Variants in MSRA observed in about 807,000 individuals in gnomAD.
The protein encoded by MSRA is methionine sulfoxide reductase A.
A neutral mutation model predicts 31.3 loss-of-function variants in MSRA; 54 were observed. The ratio of observed to expected loss-of-function variants is 1.73; its 90% CI spans 1.39 to 2.17. MSRA has a LOEUF of 2.17. Ranked by LOEUF, MSRA falls within the 30% of genes most tolerant of loss-of-function variation. The pLI is 0.00. For synonymous variants in MSRA, 169 were observed against 116.5 expected (o/e 1.45, Z -2.90); for missense variants, 507 against 300.9 (o/e 1.69, Z -5.07).
Position 10,428,543 on chromosome 8 carries a change from TC to T in MSRA, c.*232del. ...GAGTGGAGCTGTGCAGTTTCCTGTG[TC>T]TTCTGGGGTCTGAGTGAAGATAGCA... is the stretch of plus-strand genomic sequence containing the variant. On this transcript the variant is annotated 3_prime_UTR_variant, in exon 6 of 6. Transcript: ENST00000317173. 2.1e-6 allele frequency: 1 copy of T among 476,930 alleles called. No homozygotes were observed. Among genetic ancestry groups the T allele is most frequent in the South Asian group, 2.2e-5 (1 of 45,650 alleles). The allele number at this position is 476,930 out of a possible 1,614,324, so 29.5% of individuals were successfully genotyped here.
intron 3 of MSRA, among the ~76,000 whole-genome samples, chr8:10,275,838 T>G (rs1799291912): frequency 6.6e-6 from 1 of 152,048 alleles, no homozygotes; most frequent in African/African-American, 2.4e-5. Context: ...AGACAAAGAG[T>G]TGCACATCTA....
chr8:10,062,362 G>A (rs1349508898), intron 1 of MSRA, among the ~76,000 whole-genome samples: 1 of 152,122 alleles, frequency 6.6e-6, no homozygotes, highest in African/African-American at 2.4e-5. Flanking sequence ...TGAAAGTTGT[G>A]GATCTTCTAC....
chr8:10,292,803 G>C (rs1800315947), intron 3 of MSRA, among the ~76,000 whole-genome samples: 1 of 152,202 alleles, frequency 6.6e-6, no homozygotes, highest in Non-Finnish European at 1.5e-5. Flanking sequence ...CCTGAGGGCA[G>C]AGAGGGCTTG....
At chr8:10,405,063 C>A (rs889711731) in intron 5 of MSRA, among the ~76,000 whole-genome samples, 2 of 152,166 alleles carry the variant, frequency 1.3e-5, no homozygotes, top group Non-Finnish European at 2.9e-5. Flanking sequence ...TGGTGGATGT[C>A]GGACAGGAGA....
chr8:10,111,852 C>T (rs191829353), intron 1 of MSRA, among the ~76,000 whole-genome samples: 4 of 152,274 alleles, frequency 2.6e-5, no homozygotes, highest in South Asian at 2.1e-4. Context: ...CACAACTGCC[C>T]TGTGAGGCTT....
chr8:10,400,802 C>T (rs1025330243), intron 5 of MSRA, among the ~76,000 whole-genome samples: 1 of 152,180 alleles, frequency 6.6e-6, no homozygotes, highest in African/African-American at 2.4e-5. Context: ...AACTGGATCT[C>T]CAGGTTTGTG....
At chr8:10,186,820 G>T (rs942062756) in intron 1 of MSRA, among the ~76,000 whole-genome samples, 7 of 152,140 alleles carry the variant, frequency 4.6e-5, no homozygotes, top group African/African-American at 1.7e-4. Context: ...TTTTTCAGTG[G>T]AAATGTTAGA....
chr8:10,315,753 A>G (rs1037677276), intron 4 of MSRA, among the ~76,000 whole-genome samples: 3 of 152,212 alleles, frequency 2.0e-5, no homozygotes, highest in African/African-American at 7.2e-5. Flanking sequence ...TGACCTAAAA[A>G]TTTTACTATT....
chr8:10,367,083 C>A (rs554380659), intron 5 of MSRA, among the ~76,000 whole-genome samples: 2 of 152,234 alleles, frequency 1.3e-5, no homozygotes, highest in East Asian at 3.9e-4. Context: ...AATTGCATGC[C>A]GTTCTGAGCA....
chr8:10,252,452 A>G (rs1342156158), intron 3 of MSRA, among the ~76,000 whole-genome samples: 1 of 152,172 alleles, frequency 6.6e-6, no homozygotes, highest in Non-Finnish European at 1.5e-5. Flanking sequence ...GTTTCCTGAT[A>G]GATAGTTCTT....
intron 1 of MSRA, among the ~76,000 whole-genome samples, chr8:10,149,104 T>A (rs1803421010): frequency 6.7e-6 from 1 of 149,190 alleles, no homozygotes. Flanking sequence ...TATAGGCACA[T>A]GCCACCACAC....
chr8:10,334,044 G>T (rs1802868605), intron 5 of MSRA, among the ~76,000 whole-genome samples: 1 of 152,116 alleles, frequency 6.6e-6, no homozygotes, highest in African/African-American at 2.4e-5. Context: ...TCTGATAACA[G>T]CAGCAGCATT....
At chr8:10,255,688 G>A (rs979932702) in intron 3 of MSRA, among the ~76,000 whole-genome samples, 1 of 151,978 alleles carries the variant, frequency 6.6e-6, no homozygotes, top group Non-Finnish European at 1.5e-5. Context: ...AAATGCTCTG[G>A]GGAACAATCA....
At chr8:10,264,077 A>G (rs55807152) in intron 3 of MSRA, among the ~76,000 whole-genome samples, 29,764 of 152,138 alleles carry the variant, frequency 0.2, 3,515 homozygotes, top group Non-Finnish European at 0.27. Context: ...GATTTATTTC[A>G]ACAGAGGAAG....
chr8:10,247,548 C>A (rs368165187), intron 3 of MSRA, among the ~76,000 whole-genome samples: 36 of 152,204 alleles, frequency 2.4e-4, no homozygotes, highest in African/African-American at 8.4e-4. Context: ...GAAAAAGGGC[C>A]AAGCCAGTTC....
intron 3 of MSRA, among the ~76,000 whole-genome samples, chr8:10,270,991 A>C (rs1424833121): frequency 6.6e-6 from 1 of 152,026 alleles, no homozygotes; most frequent in Non-Finnish European, 1.5e-5. Flanking sequence ...ATTTTATTTC[A>C]AACCCTCAGC....
Position 10,216,837 on chromosome 8 carries a change from G to A in MSRA, c.211+8936G>A, listed in dbSNP as rs79321040. Among the ~76,000 whole-genome samples, 1,321 of 152,160 alleles carry A rather than the reference G, an allele frequency of 8.7e-3. 15 individuals are homozygous for A. The highest frequency in any genetic ancestry group is 0.017 in the Middle Eastern group (5 of 294). On this transcript the variant is annotated intron_variant, in intron 2 of 5. Transcript: ENST00000317173. The stretch of plus-strand genomic sequence containing the variant: ...ATACTTGAGTTGCTTCCACCTTTTC[G>A]CTGTTGTGGATAAGGCTGCGATGAA...
chr8:10,186,176 C>G (rs922375372), intron 1 of MSRA, among the ~76,000 whole-genome samples: 2 of 152,182 alleles, frequency 1.3e-5, no homozygotes, highest in Non-Finnish European at 1.5e-5. Flanking sequence ...CATGTATTCA[C>G]CTCTTCACTG....
chr8:10,356,202 A>T (rs562483524), intron 5 of MSRA, among the ~76,000 whole-genome samples: 2 of 152,332 alleles, frequency 1.3e-5, no homozygotes, highest in South Asian at 4.1e-4. Flanking sequence ...AGCTTAGAAC[A>T]TTCTATGTTG....
Sources: gnomAD v4.1 joint callset for allele counts (sites outside exome capture counted in the v4.1 genomes callset) on GRCh38, gnomAD v4.1.1 for gene constraint, MANE v1.5 for transcripts, NCBI Gene and HGNC (gene_info 2026-07-23, HGNC 2026-07-21) for gene names.